The following CDNF variants were observed in gnomAD, a reference collection of about 807,000 sequenced individuals.
CDNF encodes the protein cerebral dopamine neurotrophic factor, also known as ARMET-like protein 1.
Under a neutral mutation model 14.8 loss-of-function variants are expected in CDNF, and 9 were observed. The observed-to-expected ratio is 0.61, with a 90% CI of 0.37 to 1.06. CDNF has a LOEUF of 1.06. Among genes scored for constraint, CDNF ranks in the 50% least tolerant of loss-of-function variants. CDNF has a pLI of 0.01. For synonymous variants in CDNF, 86 were observed against 87.2 expected, an observed-to-expected ratio of 0.99 and a Z score of 0.07; for missense variants, 228 against 228.4, an observed-to-expected ratio of 1.00 and a Z score of 0.01.
At chr10:14,834,207 T>C (rs1833868292) in intron 1 of CDNF, 1 of 151,892 alleles carries the variant, frequency 6.6e-6, no homozygotes, top group Admixed American at 6.6e-5. Context: ...CTGGGTGTAA[T>C]GACAAGCACC....
intron 1 of CDNF, among the ~76,000 whole-genome samples, chr10:14,828,808 C>G (rs1833820551): frequency 6.6e-6 from 1 of 151,898 alleles, no homozygotes; most frequent in Non-Finnish European, 1.5e-5. Flanking sequence ...GAGTTTGGAG[C>G]CAGTCTGGAC....
chr10:14,836,431 G>T (rs1362079497), intron 1 of CDNF: 2 of 152,130 alleles, frequency 1.3e-5, no homozygotes, highest in African/African-American at 4.8e-5. Flanking sequence ...TTATAAGTGG[G>T]AGCCCCAGAT....
rs1268919146 is a variant in CDNF at position 14,835,786 on chromosome 10, T to C, written c.115+2046A>G. On this transcript the variant is annotated intron_variant, in intron 1 of 3. Transcript: ENST00000465530. ...TTACCTAATAATAGGACTCACAGAC[T>C]TGAATATCTACAGGGGCCAGGCAAG... Among the ~76,000 whole-genome samples the C allele has an allele frequency of 2.6e-5, 4 of 152,218 alleles. No individual in the cohort carries two copies. In the East Asian group the frequency reaches 7.7e-4, roughly 29 times the overall value.
chr10:14,828,040 A>T, intron 2 of CDNF, 105 bp downstream of exon 2: 1 of 1,128,422 alleles, frequency 8.9e-7, no homozygotes, highest in Non-Finnish European at 1.3e-6. Context: ...AAATGGACAT[A>T]CTTGAGGCAA....
chr10:14,826,095 A>AAGAAGAAGAAGAAGC (rs1426555042), intron 2 of CDNF, among the ~76,000 whole-genome samples: 88 of 87,554 alleles, frequency 1.0e-3, no homozygotes, highest in Non-Finnish European at 1.4e-3. Flanking sequence ...GAAGAAGAAG[A>AAGAAGAAGAAGAAGC]AGCAGCAGCA....
In CDNF at chr10:14,825,767, G is replaced by A. The variant is rs947079833; in HGVS notation, c.244-147C>T. On this transcript the variant is annotated intron_variant, in intron 2 of 3. Coordinates refer to ENST00000465530, the MANE Select transcript of CDNF (RefSeq NM_001029954.3). Reference sequence around the variant, plus strand: ...TAATCCCAGCACTTTGGGAGGTTGAGGAGGGCAGATCATTTGAGGTCAGGA... The same window carrying A: ...TAATCCCAGCACTTTGGGAGGTTGAAGAGGGCAGATCATTTGAGGTCAGGA... 11 of 803,426 alleles carry A rather than the reference G, an allele frequency of 1.4e-5. No individual in the cohort carries two copies. In the African/African-American group the frequency reaches 1.4e-4, roughly 10 times the overall value. The allele number at this position is 803,426 out of a possible 1,614,324, so 49.8% of individuals were successfully genotyped here.
intron 3 of CDNF, among the ~76,000 whole-genome samples, chr10:14,825,109 A>T (rs1195282787): frequency 6.6e-6 from 1 of 151,862 alleles, no homozygotes; most frequent in Non-Finnish European, 1.5e-5. Flanking sequence ...GCCCGCCACC[A>T]CACCCGGCTA....
chr10:14,831,480 T>TAC (rs1199718311), intron 1 of CDNF, among the ~76,000 whole-genome samples: 118 of 148,618 alleles, frequency 7.9e-4, no homozygotes, highest in African/African-American at 1.3e-3. Context: ...TATATATATA[T>TAC]ACACACACAT....
chr10:14,837,680 G>T, intron 1 of CDNF, 152 bp downstream of exon 1: 1 of 567,570 alleles, frequency 1.8e-6, no homozygotes, highest in Non-Finnish European at 3.1e-6. Flanking sequence ...CTTTTTACTC[G>T]AGCTGGGCTT....
intron 1 of CDNF, among the ~76,000 whole-genome samples, chr10:14,835,534 C>T (rs986129333): frequency 6.6e-5 from 10 of 152,168 alleles, no homozygotes; most frequent in African/African-American, 2.4e-4. Context: ...ACCATAAATG[C>T]CCTAACAAAT....
Position 14,826,372 on chromosome 10 carries a change from G to T in CDNF, c.244-752C>A, listed in dbSNP as rs147114205. Among the ~76,000 whole-genome samples the T allele has an allele frequency of 4.6e-3, 687 of 150,814 alleles. 3 individuals carry two copies. Among genetic ancestry groups the T allele is most frequent in the Non-Finnish European group, 6.9e-3 (469 of 67,782 alleles). ...CAGAAGCAGCAGAAGCAGAAGAAGA[G>T]CAGCAGCAGAAGAAGAAGCAGAAGA... On this transcript the variant is annotated intron_variant, in intron 2 of 3. Coordinates refer to ENST00000465530, the MANE Select transcript of CDNF (RefSeq NM_001029954.3).
intron 3 of CDNF, among the ~76,000 whole-genome samples, chr10:14,821,283 C>T (rs1267153839): frequency 6.6e-6 from 1 of 152,102 alleles, no homozygotes; most frequent in Non-Finnish European, 1.5e-5. Flanking sequence ...CACCATCATG[C>T]CCGGCTAATT....
chr10:14,829,221 A>G (rs1029952831), intron 1 of CDNF, among the ~76,000 whole-genome samples: 2 of 152,256 alleles, frequency 1.3e-5, no homozygotes, highest in Non-Finnish European at 2.9e-5. Context: ...ATCTTGGGAC[A>G]GCATAATTGT....
At chr10:14,833,140 T>G (rs1483111787) in intron 1 of CDNF, among the ~76,000 whole-genome samples, 1 of 152,190 alleles carries the variant, frequency 6.6e-6, no homozygotes, top group African/African-American at 2.4e-5. Flanking sequence ...ATTACAGGCA[T>G]GAGCCACCAT....
At chr10:14,832,331 G>A (rs1456730147) in intron 1 of CDNF, among the ~76,000 whole-genome samples, 2 of 152,198 alleles carry the variant, frequency 1.3e-5, no homozygotes, top group African/African-American at 2.4e-5. Flanking sequence ...TAAAGTAGAG[G>A]GAGCAAGAGG....
chr10:14,820,201 A>G (rs1211591881), intron 3 of CDNF, 43 bp from the exon 4 acceptor site: 4 of 1,578,364 alleles, frequency 2.5e-6, no homozygotes, highest in African/African-American at 3.0e-5. Flanking sequence ...AAATAAATGG[A>G]AAAAAAATCC....
chr10:14,819,920 A>C lies in CDNF; in HGVS notation c.*60T>G. ...CCAGTTATCCTTAATCAACATGTCC[A>C]TATCCTAGAGAGTCACTTTTCTCTC... On this transcript the variant is annotated 3_prime_UTR_variant, in exon 4 of 4. Transcript: ENST00000465530. The C allele has an allele frequency of 6.7e-7, 1 of 1,488,082 alleles. No individual in the cohort carries two copies. The highest frequency in any genetic ancestry group is 9.2e-7 in the Non-Finnish European group (1 of 1,088,618). 92.2% of individuals were successfully genotyped at this position (1,488,082 alleles called of 1,614,324 possible).
At chr10:14,830,239 ATT>A (rs1833833907) in intron 1 of CDNF, among the ~76,000 whole-genome samples, 1 of 151,784 alleles carries the variant, frequency 6.6e-6, no homozygotes, top group Admixed American at 6.6e-5. Flanking sequence ...AGAGATATAT[ATT>A]TTTTCTTTTT....
At chr10:14,821,132 T>TC (rs1346952061) in intron 3 of CDNF, among the ~76,000 whole-genome samples, 2 of 149,592 alleles carry the variant, frequency 1.3e-5, no homozygotes, top group African/African-American at 4.9e-5. Context: ...TTCTTTTTCT[T>TC]TTTTTTTTTT....
Sources: gnomAD v4.1 joint callset for allele counts (sites outside exome capture counted in the v4.1 genomes callset) on GRCh38, gnomAD v4.1.1 for gene constraint, MANE v1.5 for transcripts, NCBI Gene and HGNC (gene_info 2026-07-23, HGNC 2026-07-21) for gene names.